JMJD6: variants seen among roughly 807,000 people sequenced by gnomAD.
JMJD6 encodes bifunctional arginine demethylase and lysyl-hydroxylase JMJD6.
Under a neutral mutation model 45.8 loss-of-function variants are expected in JMJD6, and 17 were observed. The ratio of observed to expected loss-of-function variants is 0.37; its 90% CI spans 0.25 to 0.56. JMJD6 has a LOEUF of 0.56. Among genes scored for constraint, JMJD6 ranks in the 20% least tolerant of loss-of-function variants. The pLI, the probability that JMJD6 is intolerant of heterozygous loss-of-function variation, is 0.79. For synonymous variants in JMJD6, 221 were observed against 196.3 expected (o/e 1.13, Z -1.05); for missense variants, 470 against 517.5 (o/e 0.91, Z 0.89).
chr17:76,725,752 C>T lies in JMJD6; in HGVS notation c.233G>A (p.Gly78Asp). Reference protein sequence around the residue: ...KPVVLLNAQEGWSAQEKWTLE... With the variant: ...KPVVLLNAQEDWSAQEKWTLE... ...AGTCCATTTCTCCTGCGCAGACCAG[C>T]CCTCTTGCGCATTCAACAAAACCAC... is the stretch of plus-strand genomic sequence containing the variant. The change falls in exon 2 of 6, where the codon GGC becomes GAC. Residue 78 changes from glycine (G) to aspartate (D), a missense_variant. By Grantham distance (94) the Gly-to-Asp change is moderately conservative. Transcript: ENST00000397625. 1 of 1,614,140 alleles carries T rather than the reference C, an allele frequency of 6.2e-7. No individual in the cohort carries two copies. Among genetic ancestry groups the T allele is most frequent in the African/African-American group, 1.3e-5 (1 of 75,016 alleles).
intron 2 of JMJD6, among the ~76,000 whole-genome samples, chr17:76,724,418 G>T (rs777980182): frequency 6.6e-6 from 1 of 152,026 alleles, no homozygotes; most frequent in Non-Finnish European, 1.5e-5. Flanking sequence ...ACCGCACCTG[G>T]CCAGGTTTTA....
chr17:76,725,894 A>T (rs1373514886), intron 1 of JMJD6, 39 bp from the exon 2 acceptor site: 1 of 1,544,202 alleles, frequency 6.5e-7, no homozygotes, highest in East Asian at 2.2e-5. Context: ...TTAAAAAAAA[A>T]AAAAAAGTCC....
chr17:76,721,882 TG>T lies in JMJD6; in HGVS notation c.856del (p.Gln286LysfsTer17). The T allele has an allele frequency of 6.2e-7, 1 of 1,614,246 alleles. No homozygotes were observed. Among genetic ancestry groups the T allele is most frequent in the Non-Finnish European group, 8.5e-7 (1 of 1,180,044 alleles). On this transcript the variant is annotated frameshift_variant, in exon 4 of 6. Coordinates refer to ENST00000397625, the MANE Select transcript of JMJD6 (RefSeq NM_015167.3). LOFTEE classifies it high-confidence loss of function. Reference protein sequence around the residue: ...LNLDTTIAITQNFASSTNFPV... With the variant: ...LNLDTTIAITXNFASSTNFPV... ...GAAGTTGGTGCTGCTGGCAAAATTT[TG>T]GGTGATGGCGATAGTAGTGTCGAGA...
chr17:76,723,713 T>C, intron 3 of JMJD6, 59 bp downstream of exon 3: 1 of 1,529,940 alleles, frequency 6.5e-7, no homozygotes, highest in East Asian at 2.3e-5. Context: ...AGTGCTGGGA[T>C]TACAGGCATG....
chr17:76,717,852 G>A (rs1212933192), downstream of JMJD6, among the ~76,000 whole-genome samples: 5 of 152,038 alleles, frequency 3.3e-5, no homozygotes, highest in South Asian at 2.1e-4. Flanking sequence ...TTAGCTGGGC[G>A]TGGTGGCGCA....
chr17:76,717,337 G>A (rs761944429), downstream of JMJD6, among the ~76,000 whole-genome samples: 1 of 152,114 alleles, frequency 6.6e-6, no homozygotes, highest in Non-Finnish European at 1.5e-5. Flanking sequence ...CTTGAGCTAC[G>A]ATGCCTAGCT....
intron 4 of JMJD6, chr17:76,721,253 CCT>C (rs1426516567): frequency 2.5e-6 from 1 of 401,922 alleles, no homozygotes; most frequent in Non-Finnish European, 5.3e-6. Flanking sequence ...AGCCAGAATC[CCT>C]CTCTTACCCC....
chr17:76,726,205 GACC>G, intron 1 of JMJD6, 139 bp downstream of exon 1: 2 of 1,167,392 alleles, frequency 1.7e-6, no homozygotes, highest in Non-Finnish European at 2.3e-6. Context: ...GCGCCTCGGG[GACC>G]CCAAACTCCG....
chr17:76,714,356 C>T (rs2076749602), downstream of JMJD6: 2 of 152,250 alleles, frequency 1.3e-5, no homozygotes, highest in African/African-American at 4.8e-5. Context: ...AGAATCATCC[C>T]TGAAAATAAT....
rs776217581 is a variant in JMJD6 at position 76,718,680 on chromosome 17, T to C, written c.*49A>G. Reference sequence around the variant, plus strand: ...TGGACAGGCCACCCTCCCCAGGCCCTGCCCTTGCCGCGAGCGTGTCCTTCC... The same window carrying C: ...TGGACAGGCCACCCTCCCCAGGCCCCGCCCTTGCCGCGAGCGTGTCCTTCC... On this transcript the variant is annotated 3_prime_UTR_variant, in exon 6 of 6. Coordinates refer to ENST00000397625, the MANE Select transcript of JMJD6 (RefSeq NM_015167.3). 2.5e-6 allele frequency: 4 copies of C among 1,596,352 alleles called. No individual in the cohort carries two copies. The highest frequency in any genetic ancestry group is 4.5e-5 in the East Asian group (2 of 44,694).
chr17:76,719,685 G>C (rs2076799216), intron 5 of JMJD6, among the ~76,000 whole-genome samples: 1 of 152,174 alleles, frequency 6.6e-6, no homozygotes, highest in Non-Finnish European at 1.5e-5. Context: ...GAATTTCCAG[G>C]CTTACAATTC....
At chr17:76,716,753 A>T, downstream of JMJD6, 1 of 1,613,716 alleles carries the variant, frequency 6.2e-7, no homozygotes, top group Non-Finnish European at 8.5e-7. Flanking sequence ...GCCTGTAATC[A>T]GCACGTAGAC....
chr17:76,716,651 G>A (rs758833224), downstream of JMJD6: 13 of 1,610,360 alleles, frequency 8.1e-6, 1 homozygote, highest in East Asian at 6.7e-5. Context: ...AAAAGCTTAC[G>A]CTGAAAGCAC....
chr17:76,720,652 C>G, intron 4 of JMJD6, 154 bp from the exon 5 acceptor site: 2 of 665,964 alleles, frequency 3.0e-6, no homozygotes, highest in South Asian at 4.0e-5. Context: ...GGACAAAACC[C>G]CAGGCTGGGA....
chr17:76,724,207 G>A (rs537611406), intron 2 of JMJD6, 149 bp from the exon 3 acceptor site: 1 of 806,034 alleles, frequency 1.2e-6, no homozygotes, highest in South Asian at 1.8e-5. Flanking sequence ...AGTAACCTCT[G>A]CTTCCCCAGG....
At chr17:76,716,502 A>G (rs1024633366), downstream of JMJD6, 179 of 587,220 alleles carry the variant, frequency 3.0e-4, no homozygotes, top group Non-Finnish European at 5.0e-4. Context: ...AAATTTCTTG[A>G]TAATCTATCC....
At chr17:76,716,656 A>G (rs1243296290), downstream of JMJD6, 1 of 1,612,302 alleles carries the variant, frequency 6.2e-7, no homozygotes, top group African/African-American at 1.3e-5. Context: ...CTTACGCTGA[A>G]AGCACCTCAG....
Position 76,718,613 on chromosome 17 carries a change from C to T in JMJD6, c.*116G>A. On this transcript the variant is annotated 3_prime_UTR_variant, in exon 6 of 6. Coordinates refer to ENST00000397625, the MANE Select transcript of JMJD6 (RefSeq NM_015167.3). ...AATGGGTTCCCGTGCCGAGGGTGTC[C>T]TCATTCTTGGGCTCTGTCAGGCCTC... 1 of 1,488,456 alleles carries T rather than the reference C, an allele frequency of 6.7e-7. No homozygotes were observed. The highest frequency in any genetic ancestry group is 8.9e-7 in the Non-Finnish European group (1 of 1,123,746). The allele number at this position is 1,488,456 out of a possible 1,614,324, so 92.2% of individuals were successfully genotyped here.
At position 76,718,735 on chromosome 17, in the gene JMJD6, G is replaced by A. The variant is rs2076788142; in HGVS notation, c.1206C>T (p.Ser402=). Residue 402 remains serine, a synonymous_variant, in exon 6 of 6, where the codon TCC becomes TCT. Coordinates refer to ENST00000397625, the MANE Select transcript of JMJD6 (RefSeq NM_015167.3). ...AGACAACAGCCTTGCTGGGTCACCT[G>A]GAGGAGCTGCGCTCTTTGCTGACAC... The part of the protein sequence containing the change: ...DDCVSKERSS[S]R 6.2e-7 allele frequency: 1 copy of A among 1,614,030 alleles called. No homozygotes were observed. The highest frequency in any genetic ancestry group is 8.5e-7 in the Non-Finnish European group (1 of 1,179,922).
Sources: gnomAD v4.1 joint callset for allele counts (sites outside exome capture counted in the v4.1 genomes callset) on GRCh38, gnomAD v4.1.1 for gene constraint, MANE v1.5 for transcripts, NCBI Gene and HGNC (gene_info 2026-07-23, HGNC 2026-07-21) for gene names.